Variants in PCDHA1 observed in about 807,000 individuals in gnomAD.
PCDHA1 encodes the protein protocadherin alpha-1.
Under a neutral mutation model 61.3 loss-of-function variants are expected in PCDHA1, and 42 were observed. The ratio of observed to expected loss-of-function variants is 0.69; its 90% CI spans 0.54 to 0.89. The LOEUF (loss-of-function observed/expected upper bound fraction) is 0.89. PCDHA1 is among the 40% of genes least tolerant of loss of function. The pLI, the probability that PCDHA1 is intolerant of heterozygous loss-of-function variation, is 0.00. For missense variants in PCDHA1, 1,256 were observed against 1,235.3 expected, an observed-to-expected ratio of 1.02 and a Z score of -0.25; for synonymous variants, 610 against 553.8, an observed-to-expected ratio of 1.10 and a Z score of -1.43.
rs1389969210 is a variant in PCDHA1, at chr5:140,877,650, G to T, written c.2394+88966G>T. The T allele has an allele frequency of 3.1e-6, 5 of 1,613,390 alleles. No individual in the cohort carries two copies. The African/African-American group carries it at 6.7e-5, about 22-fold the overall frequency. ...ACACTGCGCTGCGTTGCTCAGCGCC[G>T]CCCACCGTGAGCCGGTGCGCGCCGG... On this transcript the variant is annotated intron_variant, in intron 1 of 3. Coordinates refer to ENST00000504120, the MANE Select transcript of PCDHA1 (RefSeq NM_018900.4).
In PCDHA1 at chr5:140,986,314, A is replaced by G. The variant is rs551389701; in HGVS notation, c.2542+3751A>G. On this transcript the variant is annotated intron_variant, in intron 3 of 3. Transcript: ENST00000504120. ...TGAGCAGAGAGAGAAAATTAGCTAA[A>G]TCAGGAATGCAGGGAATACAGTTGC... 9.4e-4 allele frequency among the ~76,000 whole-genome samples: 143 copies of G among 152,196 alleles called. 1 individual carries two copies. The highest frequency in any genetic ancestry group is 1.6e-3 in the Non-Finnish European group (110 of 68,030).
chr5:140,848,884 C>T, intron 1 of PCDHA1: 2 of 1,591,388 alleles, frequency 1.3e-6, no homozygotes, highest in South Asian at 1.1e-5. Flanking sequence ...AACGACAACC[C>T]TCCAGTGTTC....
Position 141,011,779 on chromosome 5 carries a change from A to G in PCDHA1, c.*1842A>G, listed in dbSNP as rs1407523783. On this transcript the variant is annotated 3_prime_UTR_variant, in exon 4 of 4. Transcript: ENST00000504120. ...CTTTGAAGTTGCAGAATGCTTTGAAATTCTAATGGTATCTGAAATATCAGC... is the reference window on the plus strand; with the variant it reads ...CTTTGAAGTTGCAGAATGCTTTGAAGTTCTAATGGTATCTGAAATATCAGC... The G allele has an allele frequency of 6.5e-6, 1 of 153,778 alleles. No homozygotes were observed. Among genetic ancestry groups the G allele is most frequent in the East Asian group, 1.9e-4 (1 of 5,202 alleles). 9.5% of individuals were successfully genotyped at this position (153,778 alleles called of 1,614,324 possible).
chr5:140,841,942 G>A (rs782585839), intron 1 of PCDHA1: 15 of 1,613,920 alleles, frequency 9.3e-6, no homozygotes, highest in East Asian at 2.2e-5. Context: ...ACGCTCCTGC[G>A]CACCACTTAT....
chr5:140,822,834 C>T, intron 1 of PCDHA1: 3 of 1,614,218 alleles, frequency 1.9e-6, no homozygotes, highest in Non-Finnish European at 2.5e-6. Context: ...CCATAACCAC[C>T]CTTTTCCTGC....
intron 1 of PCDHA1, chr5:140,864,855 T>G (rs1173322611): frequency 1.3e-5 from 2 of 152,178 alleles, no homozygotes; most frequent in African/African-American, 4.8e-5. Flanking sequence ...CCATACATGA[T>G]GAAGGGTGAT....
At position 140,928,737 on chromosome 5, in the gene PCDHA1, A is replaced by G. The variant is rs140056024; in HGVS notation, c.2395-50212A>G. On this transcript the variant is annotated intron_variant, in intron 1 of 3. Coordinates refer to ENST00000504120, the MANE Select transcript of PCDHA1 (RefSeq NM_018900.4). ...GTCTCTTTAGAATTTCAGCCAATAT[A>G]GGTGAGCTCCGTACTGCTCGCTTAG... is the stretch of plus-strand genomic sequence containing the variant. 5.6e-6 allele frequency: 9 copies of G among 1,614,000 alleles called. No homozygotes were observed. In the African/African-American group the frequency reaches 8.0e-5, roughly 14 times the overall value.
chr5:140,858,871 T>A (rs1000901337), intron 1 of PCDHA1: 6 of 248,826 alleles, frequency 2.4e-5, no homozygotes, highest in African/African-American at 1.2e-4. Context: ...TGAAAATGTG[T>A]TTTCCTCCAT....
chr5:140,967,817 G>A, intron 1 of PCDHA1: 1 of 1,614,182 alleles, frequency 6.2e-7, no homozygotes. Context: ...TCACTGCAAG[G>A]TGCTGGTGGA....
At chr5:140,920,412 ACAGCTGTTCTC>A (rs1294144005) in intron 1 of PCDHA1, among the ~76,000 whole-genome samples, 2 of 152,146 alleles carry the variant, frequency 1.3e-5, no homozygotes, top group African/African-American at 4.8e-5. Context: ...TTAATCAGAT[ACAGCTGTTCTC>A]CCACACACCT....
chr5:140,842,950 G>C, intron 1 of PCDHA1: 1 of 1,594,728 alleles, frequency 6.3e-7, no homozygotes, highest in South Asian at 1.1e-5. Context: ...CGGGCGTGCC[G>C]CCTCTGGGCA....
chr5:140,788,950 A>G, intron 1 of PCDHA1: 1 of 602,924 alleles, frequency 1.7e-6, no homozygotes, highest in African/African-American at 1.9e-5. Context: ...ATAAAAGGTA[A>G]TGTTGGTCAT....
chr5:140,789,260 GACA>G (rs1554118395), intron 1 of PCDHA1, among the ~76,000 whole-genome samples: 2 of 152,160 alleles, frequency 1.3e-5, no homozygotes. Flanking sequence ...GACTAGCCTG[GACA>G]ACATGGTGAA....
At chr5:140,838,520 T>C (rs1554137093) in intron 1 of PCDHA1, among the ~76,000 whole-genome samples, 1 of 152,024 alleles carries the variant, frequency 6.6e-6, no homozygotes, top group Non-Finnish European at 1.5e-5. Flanking sequence ...ATTTGCATCT[T>C]ATTTTCTTTT....
intron 1 of PCDHA1, chr5:140,807,861 C>T (rs1764047058): frequency 1.2e-6 from 2 of 1,614,094 alleles, no homozygotes; most frequent in Non-Finnish European, 1.7e-6. Context: ...TTGACTGGCA[C>T]CGTTCAGTTA....
intron 1 of PCDHA1, chr5:140,882,640 G>C (rs1330929245): frequency 1.2e-6 from 2 of 1,614,068 alleles, no homozygotes; most frequent in Admixed American, 3.3e-5. Context: ...TGAAGGTGAG[G>C]GACATTAACG....
chr5:140,890,350 T>C (rs1199144948), intron 1 of PCDHA1, among the ~76,000 whole-genome samples: 1 of 152,186 alleles, frequency 6.6e-6, no homozygotes, highest in Non-Finnish European at 1.5e-5. Flanking sequence ...GTTTACTATA[T>C]AGCAATGGAT....
intron 1 of PCDHA1, among the ~76,000 whole-genome samples, chr5:140,881,594 A>C (rs1464236535): frequency 6.6e-6 from 1 of 152,244 alleles, no homozygotes; most frequent in Non-Finnish European, 1.5e-5. Flanking sequence ...AGGGAAATTT[A>C]TTAATATGAT....
At chr5:140,884,295 C>G in intron 1 of PCDHA1, 1 of 1,613,680 alleles carries the variant, frequency 6.2e-7, no homozygotes, top group Non-Finnish European at 8.5e-7. Flanking sequence ...GGCCAAGCGC[C>G]ACAGGCTTCG....
Sources: allele counts gnomAD v4.1 joint callset (sites outside exome capture counted in the v4.1 genomes callset), GRCh38; gene constraint gnomAD v4.1.1; transcripts MANE v1.5; gene names NCBI Gene and HGNC (gene_info 2026-07-23, HGNC 2026-07-21).